The following RC3H2 variants were observed in gnomAD, a reference collection of about 807,000 sequenced individuals.
RC3H2 encodes the protein ring finger and CCCH-type domains 2.
RC3H2 carries 31 observed loss-of-function variants against 133.3 expected under a neutral mutation model. That is an observed-to-expected ratio of 0.23 (90% confidence interval 0.17 to 0.31). RC3H2 has a LOEUF of 0.31. Among genes scored for constraint, RC3H2 ranks in the 10% least tolerant of loss-of-function variants. The probability of loss-of-function intolerance (pLI) is 1.00; values close to 1 mark genes in which losing one functional copy is unlikely to be tolerated. For missense variants in RC3H2, 1,175 were observed against 1,437.2 expected (o/e 0.82, Z 2.95); for synonymous variants, 517 against 502.2 (o/e 1.03, Z -0.40).
At chr9:122,860,636 A>G (rs1830422559) in intron 10 of RC3H2, among the ~76,000 whole-genome samples, 2 of 151,860 alleles carry the variant, frequency 1.3e-5, no homozygotes, top group Admixed American at 6.6e-5. Context: ...AGGGTCTCAA[A>G]TTCTTAGGCT....
chr9:122,887,936 G>T (rs1372345507), intron 4 of RC3H2, among the ~76,000 whole-genome samples: 1 of 151,776 alleles, frequency 6.6e-6, no homozygotes. Flanking sequence ...GTAGAGACAG[G>T]GTTTCGCCAT....
At chr9:122,900,019 T>C (rs962646767) in intron 1 of RC3H2, among the ~76,000 whole-genome samples, 4 of 152,092 alleles carry the variant, frequency 2.6e-5, no homozygotes, top group Non-Finnish European at 5.9e-5. Context: ...TACAGAAAAA[T>C]GCTATCTTTC....
intron 8 of RC3H2, among the ~76,000 whole-genome samples, chr9:122,878,561 C>T (rs369268524): frequency 6.6e-6 from 1 of 152,104 alleles, no homozygotes; most frequent in African/African-American, 2.4e-5. Flanking sequence ...TGAGCCACCG[C>T]GCCCAGCCCC....
chr9:122,898,854 A>T (rs1832533230), intron 1 of RC3H2, among the ~76,000 whole-genome samples: 1 of 152,016 alleles, frequency 6.6e-6, no homozygotes, highest in Non-Finnish European at 1.5e-5. Context: ...TTTATCTTCC[A>T]ATTCAAGACT....
intron 1 of RC3H2, among the ~76,000 whole-genome samples, chr9:122,901,856 T>TGGGG (rs1832663927): frequency 6.6e-6 from 1 of 151,832 alleles, no homozygotes; most frequent in South Asian, 2.1e-4. Context: ...CCCAAAGTCC[T>TGGGG]GGGATTACAG....
chr9:122,850,565 C>G (rs536387625), intron 20 of RC3H2, among the ~76,000 whole-genome samples: 1 of 152,124 alleles, frequency 6.6e-6, no homozygotes, highest in Admixed American at 6.5e-5. Flanking sequence ...GCCTCAGCCT[C>G]CCAGGCAGCT....
chr9:122,894,798 T>C (rs910733896), intron 2 of RC3H2, among the ~76,000 whole-genome samples: 16 of 152,216 alleles, frequency 1.1e-4, no homozygotes, highest in African/African-American at 3.6e-4. Flanking sequence ...GAGAATCACT[T>C]GAACCTGGGA....
chr9:122,846,632 C>T lies in RC3H2; in HGVS notation c.*2995G>A, dbSNP rs1436607701. 1 of 152,168 alleles carries T rather than the reference C, an allele frequency of 6.6e-6. No homozygotes were observed. The highest frequency in any genetic ancestry group is 1.5e-5 in the Non-Finnish European group (1 of 68,018). 9.4% of individuals were successfully genotyped at this position (152,168 alleles called of 1,614,324 possible). Reference sequence around the variant, plus strand: ...AAAATAACCACCACTTTCCTGCTTTCCAGACCTCAGACTATTTTTTCTGAT... The same window carrying T: ...AAAATAACCACCACTTTCCTGCTTTTCAGACCTCAGACTATTTTTTCTGAT... On this transcript the variant is annotated 3_prime_UTR_variant, in exon 21 of 21. Coordinates refer to ENST00000357244, the MANE Select transcript of RC3H2 (RefSeq NM_001100588.3).
intron 9 of RC3H2, among the ~76,000 whole-genome samples, chr9:122,871,515 G>T (rs1039368951): frequency 2.0e-5 from 3 of 150,962 alleles, no homozygotes; most frequent in Non-Finnish European, 4.4e-5. Flanking sequence ...GTGGGGGGGG[G>T]GGTTTCATCG....
intron 9 of RC3H2, among the ~76,000 whole-genome samples, chr9:122,866,822 G>A (rs2131412640): frequency 6.6e-6 from 1 of 152,156 alleles, no homozygotes; most frequent in East Asian, 1.9e-4. Flanking sequence ...ATGCCCGGCC[G>A]CCACCCCGTC....
rs1829894079 is a variant in RC3H2 at position 122,847,423 on chromosome 9, T to C, written c.*2204A>G. On this transcript the variant is annotated 3_prime_UTR_variant, in exon 21 of 21. Transcript: ENST00000357244. ...TCTCTATTTTGTAACAAAATAGCAA[T>C]TTTAAAATCTTAAAAAAAAATACAT... 6.6e-6 allele frequency: 1 copy of C among 152,034 alleles called. No homozygotes were observed. The highest frequency in any genetic ancestry group is 1.9e-4 in the East Asian group (1 of 5,186). The allele number at this position is 152,034 out of a possible 1,614,324, so 9.4% of individuals were successfully genotyped here.
At chr9:122,902,755 G>A (rs1374095710) in intron 1 of RC3H2, among the ~76,000 whole-genome samples, 1 of 151,432 alleles carries the variant, frequency 6.6e-6, no homozygotes. Context: ...AGGAGTCTGA[G>A]GCATGAGAAT....
At chr9:122,902,894 A>G (rs1400228491) in intron 1 of RC3H2, among the ~76,000 whole-genome samples, 4 of 152,052 alleles carry the variant, frequency 2.6e-5, no homozygotes, top group Non-Finnish European at 4.4e-5. Context: ...TATTTTTAGT[A>G]ATATATTTTA....
At chr9:122,877,648 G>C in intron 8 of RC3H2, 65 bp from the exon 9 acceptor site, 2 of 1,235,814 alleles carry the variant, frequency 1.6e-6, no homozygotes, top group Non-Finnish European at 2.4e-6. Context: ...TTCACTCTAG[G>C]AAGTTCAGAA....
intron 20 of RC3H2, 100 bp from the exon 21 acceptor site, chr9:122,849,922 G>A (rs943692595): frequency 4.2e-6 from 3 of 716,642 alleles, no homozygotes; most frequent in Admixed American, 3.7e-5. Context: ...AACTTTAGGA[G>A]TCTCTAGCAA....
intron 9 of RC3H2, chr9:122,875,204 G>T: frequency 6.4e-7 from 1 of 1,550,918 alleles, no homozygotes; most frequent in Non-Finnish European, 8.7e-7. Context: ...TTCAAGTGGG[G>T]AAAAAAACTG....
chr9:122,852,593 C>T (rs1452640571), intron 18 of RC3H2, among the ~76,000 whole-genome samples: 1 of 150,612 alleles, frequency 6.6e-6, no homozygotes, highest in Non-Finnish European at 1.5e-5. Context: ...TGGGGGTCAG[C>T]CCCCGGCCCG....
At chr9:122,875,400 G>A in intron 9 of RC3H2, 1 of 1,506,462 alleles carries the variant, frequency 6.6e-7, no homozygotes, top group Non-Finnish European at 8.9e-7. Context: ...TTAATAAACA[G>A]ATCATGGGCC....
chr9:122,862,938 A>C lies in RC3H2; in HGVS notation c.1634+2411T>G, dbSNP rs918774578. 4.6e-5 allele frequency among the ~76,000 whole-genome samples: 7 copies of C among 152,228 alleles called. No homozygotes were observed. The East Asian group carries it at 1.3e-3, about 29-fold the overall frequency. On this transcript the variant is annotated intron_variant, in intron 10 of 20. Coordinates refer to ENST00000357244, the MANE Select transcript of RC3H2 (RefSeq NM_001100588.3). ...GTTTTTACCCTAGTCTATTTTGTTA[A>C]AAAATTGAGATACAGTTCATTATTT... is the stretch of plus-strand genomic sequence containing the variant.
Sources: allele counts gnomAD v4.1 joint callset (sites outside exome capture counted in the v4.1 genomes callset), GRCh38; gene constraint gnomAD v4.1.1; transcripts MANE v1.5; gene names NCBI Gene and HGNC (gene_info 2026-07-23, HGNC 2026-07-21).